IL1RAPL2: variants seen among roughly 807,000 people sequenced by gnomAD.
IL1RAPL2 encodes the protein interleukin 1 receptor accessory protein like 2.
In IL1RAPL2, 3 loss-of-function variants were observed where a neutral mutation model predicts 44.1. The ratio of observed to expected loss-of-function variants is 0.07; its 90% CI spans 0.03 to 0.18. The LOEUF (loss-of-function observed/expected upper bound fraction) is 0.18, where lower values mean the gene tolerates loss of function less well. Ranked by LOEUF, IL1RAPL2 falls within the 10% of genes least tolerant of loss-of-function variation. The pLI, the probability that IL1RAPL2 is intolerant of heterozygous loss-of-function variation, is 1.00. For synonymous variants in IL1RAPL2, 181 were observed against 178.8 expected (o/e 1.01, Z -0.10); for missense variants, 391 against 496.4 (o/e 0.79, Z 2.02).
chrX:105,497,454 A>T (rs181698296), intron 6 of IL1RAPL2, among the ~76,000 whole-genome samples: 1 of 111,699 alleles, frequency 9.0e-6, no homozygotes, highest in Non-Finnish European at 1.9e-5. Flanking sequence ...TCTACTAAGA[A>T]CTAATTGACA....
intron 2 of IL1RAPL2, among the ~76,000 whole-genome samples, chrX:105,085,336 AAAC>A (rs2032466224): frequency 8.9e-6 from 1 of 112,348 alleles, no homozygotes; most frequent in African/African-American, 3.2e-5. Flanking sequence ...GCAAGAAAAC[AAAC>A]AACATGATTA....
At position 105,137,637 on chromosome X, in the gene IL1RAPL2, C is replaced by T. The variant is rs1028189007; in HGVS notation, c.83-57838C>T. Among the ~76,000 whole-genome samples, 21 of 112,060 alleles carry T rather than the reference C, an allele frequency of 1.9e-4. 1 individual carries two copies. In the Admixed American group the frequency reaches 2.0e-3, roughly 11 times the overall value. On this transcript the variant is annotated intron_variant, in intron 2 of 10. Transcript: ENST00000372582. ...TTTCAATGAAGGTGATTGAGGGTTT[C>T]TTCTTCATTTTTTAAAAATTTGTGT...
At chrX:105,066,671 T>C (rs1009125283) in intron 2 of IL1RAPL2, among the ~76,000 whole-genome samples, 1 of 111,836 alleles carries the variant, frequency 8.9e-6, no homozygotes, top group African/African-American at 3.3e-5. Context: ...CCCTTTGTTA[T>C]CATGCTCCCC....
chrX:104,895,324 A>T (rs2147668828), intron 2 of IL1RAPL2, among the ~76,000 whole-genome samples: 1 of 112,528 alleles, frequency 8.9e-6, no homozygotes, highest in South Asian at 3.7e-4. Context: ...TCAGACAGGG[A>T]TATTTAAGTC....
chrX:105,409,885 G>A (rs912532344), intron 5 of IL1RAPL2, among the ~76,000 whole-genome samples: 2 of 108,333 alleles, frequency 1.8e-5, no homozygotes, highest in Non-Finnish European at 3.8e-5. Context: ...GAGTGTGGGG[G>A]GGGGGTTGGA....
At position 104,948,219 on chromosome X, in the gene IL1RAPL2, G is replaced by C. The variant is rs1413543555; in HGVS notation, c.83-247256G>C. Among the ~76,000 whole-genome samples the C allele has an allele frequency of 7.7e-3, 829 of 107,682 alleles. 14 individuals carry two copies. The highest frequency in any genetic ancestry group is 0.026 in the African/African-American group (777 of 29,654). The allele number at this position is 107,682 out of a possible 115,157, so 93.5% of individuals were successfully genotyped here. A position where few individuals can be genotyped will look rare whatever the true frequency, so the allele number is the denominator to read the frequency against. On this transcript the variant is annotated intron_variant, in intron 2 of 10. Coordinates refer to ENST00000372582, the MANE Select transcript of IL1RAPL2 (RefSeq NM_017416.2). ...TCACTCATGATTTGGCTCTCTGTTTGTCTGTTATTGGTGTATAAGAATGCT... is the reference window on the plus strand; with the variant it reads ...TCACTCATGATTTGGCTCTCTGTTTCTCTGTTATTGGTGTATAAGAATGCT...
intron 6 of IL1RAPL2, among the ~76,000 whole-genome samples, chrX:105,528,989 A>T (rs370489564): frequency 1.3e-3 from 150 of 111,144 alleles, no homozygotes; most frequent in African/African-American, 4.8e-3. Context: ...TTCCAGCTTT[A>T]TTGAGGACAA....
At chrX:105,124,256 TG>T (rs999712931) in intron 2 of IL1RAPL2, among the ~76,000 whole-genome samples, 5 of 110,226 alleles carry the variant, frequency 4.5e-5, no homozygotes, top group African/African-American at 3.3e-5. Flanking sequence ...AACTTTGTGA[TG>T]GGGGGTTAGA....
At chrX:104,762,037 AC>A (rs1482078263) in intron 2 of IL1RAPL2, among the ~76,000 whole-genome samples, 1 of 102,504 alleles carries the variant, frequency 9.8e-6, no homozygotes, top group Non-Finnish European at 2.0e-5. Flanking sequence ...TCACTCTGTC[AC>A]CCAGGCTGGA....
At position 105,310,696 on chromosome X, in the gene IL1RAPL2, G is replaced by A. The variant is rs1220078264; in HGVS notation, c.697+43155G>A. ...GAAATAATTTTCCAGTTACCATTACGATTTATTATTTGGTATATGGTATAT... is the reference window on the plus strand; with the variant it reads ...GAAATAATTTTCCAGTTACCATTACAATTTATTATTTGGTATATGGTATAT... On this transcript the variant is annotated intron_variant, in intron 5 of 10. Transcript: ENST00000372582. Among the ~76,000 whole-genome samples, 3 of 110,923 alleles carry A rather than the reference G, an allele frequency of 2.7e-5. No homozygotes were observed. The South Asian group carries it at 1.1e-3, about 41-fold the overall frequency.
At chrX:104,993,964 G>T (rs1176661881) in intron 2 of IL1RAPL2, among the ~76,000 whole-genome samples, 5 of 111,336 alleles carry the variant, frequency 4.5e-5, no homozygotes, top group African/African-American at 6.5e-5. Context: ...AGGTATTCTG[G>T]GTTCAGAGCC....
At chrX:105,507,756 T>G (rs912671515) in intron 6 of IL1RAPL2, among the ~76,000 whole-genome samples, 10 of 111,915 alleles carry the variant, frequency 8.9e-5, no homozygotes, top group African/African-American at 3.2e-4. Flanking sequence ...TTAATTTATT[T>G]TGATGTTAAT....
chrX:105,730,088 A>G (rs1215092379), intron 7 of IL1RAPL2, among the ~76,000 whole-genome samples: 1 of 111,572 alleles, frequency 9.0e-6, no homozygotes, highest in Non-Finnish European at 1.9e-5. Context: ...ATGAATTTTA[A>G]AAGTAACCTA....
intron 5 of IL1RAPL2, among the ~76,000 whole-genome samples, chrX:105,360,291 A>T (rs1055932324): frequency 9.0e-6 from 1 of 111,400 alleles, no homozygotes; most frequent in East Asian, 2.8e-4. Context: ...CTCTAGGCCT[A>T]TGTCAATTGG....
At chrX:105,058,377 C>T (rs1437816421) in intron 2 of IL1RAPL2, among the ~76,000 whole-genome samples, 1 of 112,088 alleles carries the variant, frequency 8.9e-6, no homozygotes, top group Non-Finnish European at 1.9e-5. Flanking sequence ...TGAGCCACTG[C>T]ACCTGGCCTG....
chrX:105,441,644 C>G (rs775608180), intron 5 of IL1RAPL2, among the ~76,000 whole-genome samples: 31 of 111,636 alleles, frequency 2.8e-4, no homozygotes, highest in African/African-American at 9.8e-4. Flanking sequence ...TACTGATAGC[C>G]TTCAACTGAG....
At chrX:105,527,896 ACTC>A (rs1189886644) in intron 6 of IL1RAPL2, among the ~76,000 whole-genome samples, 1 of 111,489 alleles carries the variant, frequency 9.0e-6, no homozygotes, top group Non-Finnish European at 1.9e-5. Context: ...TTTAACAAGA[ACTC>A]CTACCACTGA....
intron 6 of IL1RAPL2, among the ~76,000 whole-genome samples, chrX:105,673,789 T>C (rs894252047): frequency 3.6e-5 from 4 of 112,171 alleles, no homozygotes; most frequent in Non-Finnish European, 1.9e-5. Flanking sequence ...CCACCAACAG[T>C]GTAAAAGTGT....
intron 2 of IL1RAPL2, among the ~76,000 whole-genome samples, chrX:104,969,563 T>TA (rs373454855): frequency 3.5e-4 from 39 of 111,105 alleles, no homozygotes; most frequent in Admixed American, 3.4e-3. Flanking sequence ...CACTTAAAAG[T>TA]AAAAAAGATA....
Sources: gnomAD v4.1 joint callset for allele counts (sites outside exome capture counted in the v4.1 genomes callset) on GRCh38, gnomAD v4.1.1 for gene constraint, MANE v1.5 for transcripts, NCBI Gene and HGNC (gene_info 2026-07-23, HGNC 2026-07-21) for gene names.